HEPH: variants seen among roughly 807,000 people sequenced by gnomAD.
HEPH encodes hephaestin.
HEPH carries 69 observed loss-of-function variants against 80.8 expected under a neutral mutation model. That is an observed-to-expected ratio of 0.85 (90% CI 0.70 to 1.04). The LOEUF (loss-of-function observed/expected upper bound fraction) is 1.04, where lower values mean the gene tolerates loss of function less well. Among genes scored for constraint, HEPH ranks in the 50% least tolerant of loss-of-function variants. The pLI is 0.00. For synonymous variants in HEPH, 431 were observed against 322.8 expected, an observed-to-expected ratio of 1.34 and a Z score of -3.60; for missense variants, 1,115 against 891.3, an observed-to-expected ratio of 1.25 and a Z score of -3.20.
upstream of HEPH, chrX:66,162,945 A>T: frequency 1.0e-6 from 1 of 992,649 alleles, no homozygotes; most frequent in Non-Finnish European, 1.3e-6. Context: ...TGTTGGGTAG[A>T]TGCAGTCCTT....
chrX:66,207,532 G>T (rs1433097446), intron 14 of HEPH, among the ~76,000 whole-genome samples, 198 bp downstream of exon 14: 1 of 111,871 alleles, frequency 8.9e-6, no homozygotes, highest in Non-Finnish European at 1.9e-5. Context: ...TCATGAACCA[G>T]ATTTTACTGG....
At chrX:66,238,893 A>C (rs1343634534) in intron 15 of HEPH, among the ~76,000 whole-genome samples, 3 of 112,570 alleles carry the variant, frequency 2.7e-5, no homozygotes, top group Non-Finnish European at 5.6e-5. Flanking sequence ...ATGGGCCAAA[A>C]TAAAGGGATG....
chrX:66,208,227 G>C lies in HEPH; in HGVS notation c.2544G>C (p.Trp848Cys). ...AHGVLESTTV[W>C]PLAAEPGEVV... Reference sequence around the variant, plus strand: ...GAGTGCTAGAATCTACTACTGTCTGGCCACTGGCTGCTGAGCCTGGTGAGT... The same window carrying C: ...GAGTGCTAGAATCTACTACTGTCTGCCCACTGGCTGCTGAGCCTGGTGAGT... The change falls in exon 15 of 21, where the codon TGG becomes TGC. Residue 848 changes from tryptophan to cysteine, a missense_variant. Physicochemically the swap from Trp to Cys is radical, Grantham distance 215 (BLOSUM62 -2). This residue lies in a region of HEPH where 716 missense variants were observed against 523.5 expected (regional missense o/e 1.37). Transcript: ENST00000343002. 8.3e-7 allele frequency: 1 copy of C among 1,207,700 alleles called. No individual in the cohort carries two copies. Among genetic ancestry groups the C allele is most frequent in the East Asian group, 3.0e-5 (1 of 33,729 alleles).
intron 15 of HEPH, among the ~76,000 whole-genome samples, chrX:66,229,050 G>A (rs763638376): frequency 8.9e-6 from 1 of 111,998 alleles, no homozygotes; most frequent in South Asian, 3.7e-4. Flanking sequence ...GTGAAAAGAA[G>A]TCATTATACG....
intron 15 of HEPH, among the ~76,000 whole-genome samples, chrX:66,229,424 G>A (rs2090028394): frequency 9.0e-6 from 1 of 110,710 alleles, no homozygotes; most frequent in South Asian, 3.9e-4. Flanking sequence ...GCATAAGAAT[G>A]ATACAATGAA....
intron 15 of HEPH, among the ~76,000 whole-genome samples, chrX:66,214,870 AATATC>A (rs1273905223): frequency 1.8e-5 from 2 of 111,367 alleles, no homozygotes; most frequent in African/African-American, 3.3e-5. Flanking sequence ...TTCTTGCAAT[AATATC>A]ATATTATTTT....
chrX:66,188,369 T>A lies in HEPH; in HGVS notation c.636T>A (p.Asp212Glu). 1 of 1,187,564 alleles carries A rather than the reference T, an allele frequency of 8.4e-7. No individual in the cohort carries two copies. Among genetic ancestry groups the A allele is most frequent in the East Asian group, 3.0e-5 (1 of 33,147 alleles). The change falls in exon 5 of 21, where the codon GAT (aspartate) becomes GAA (glutamate). Residue 212 changes from aspartate to glutamate, a missense_variant. Transcript: ENST00000343002. ...TCTTACTTGCCCTAGGAGCCCTGGA[T>A]GGGAACTCCCCTCCTCAACGCCAGG... ...PLITCKRGAL[D>E]GNSPPQRQDV...
chrX:66,238,062 C>T (rs1474753112), intron 15 of HEPH, among the ~76,000 whole-genome samples: 1 of 111,577 alleles, frequency 9.0e-6, no homozygotes, highest in Non-Finnish European at 1.9e-5. Flanking sequence ...GGTCTTGGTT[C>T]CTTACGCAGC....
At chrX:66,235,404 C>A (rs971521659) in intron 15 of HEPH, among the ~76,000 whole-genome samples, 1 of 111,915 alleles carries the variant, frequency 8.9e-6, no homozygotes, top group Non-Finnish European at 1.9e-5. Context: ...CAGTTTCAGT[C>A]TTCTGCATAT....
intron 15 of HEPH, among the ~76,000 whole-genome samples, chrX:66,213,657 A>C (rs930624182): frequency 2.7e-5 from 3 of 111,801 alleles, no homozygotes; most frequent in African/African-American, 9.8e-5. Context: ...AATAAAGAAT[A>C]CCTGGGCAAG....
intron 15 of HEPH, among the ~76,000 whole-genome samples, chrX:66,216,916 G>T (rs1037886702): frequency 9.0e-6 from 1 of 111,619 alleles, no homozygotes; most frequent in African/African-American, 3.3e-5. Flanking sequence ...CACAGCAGTA[G>T]AATTGAAGAA....
intron 2 of HEPH, 122 bp from the exon 3 acceptor site, chrX:66,172,233 C>A (rs950087864): frequency 1.6e-6 from 1 of 609,339 alleles, no homozygotes; most frequent in Non-Finnish European, 2.4e-6. Flanking sequence ...AGTACAATGC[C>A]ATTTCCTCTT....
chrX:66,235,921 G>A (rs1237404827), intron 15 of HEPH, among the ~76,000 whole-genome samples: 2 of 111,063 alleles, frequency 1.8e-5, no homozygotes, highest in Admixed American at 9.6e-5. Flanking sequence ...GATTTAGCTC[G>A]TGGCTTAACT....
chrX:66,222,424 CT>C (rs1310330831), intron 15 of HEPH, among the ~76,000 whole-genome samples: 2 of 112,183 alleles, frequency 1.8e-5, no homozygotes, highest in East Asian at 2.8e-4. Flanking sequence ...ATAACAATTG[CT>C]TTTTTTTAAC....
At chrX:66,220,122 A>G (rs946623648) in intron 15 of HEPH, among the ~76,000 whole-genome samples, 4 of 111,251 alleles carry the variant, frequency 3.6e-5, no homozygotes, top group African/African-American at 9.8e-5. Context: ...CCAGGAATTC[A>G]TCAGGAACTG....
chrX:66,260,464 C>T (rs901834623), intron 19 of HEPH, among the ~76,000 whole-genome samples: 6 of 111,401 alleles, frequency 5.4e-5, no homozygotes, highest in African/African-American at 9.8e-5. Flanking sequence ...ATTGCCCCAA[C>T]TGATATTTCT....
chrX:66,230,079 T>A, intron 15 of HEPH, among the ~76,000 whole-genome samples: 1 of 101,096 alleles, frequency 9.9e-6, no homozygotes, highest in East Asian at 3.2e-4. Flanking sequence ...TCCAATTTCA[T>A]CCATGTCCCT....
Position 66,198,962 on chromosome X carries a change from G to T in HEPH, c.1798G>T (p.Ala600Ser), listed in dbSNP as rs148082881. 43 of 1,208,089 alleles carry T rather than the reference G, an allele frequency of 3.6e-5. No homozygotes were observed. Among genetic ancestry groups the T allele is most frequent in the Non-Finnish European group, 4.7e-5 (42 of 893,265 alleles). The change falls in exon 11 of 21, where the codon GCT becomes TCT. Residue 600 changes from alanine (A) to serine (S), a missense_variant. Coordinates refer to ENST00000343002, the MANE Select transcript of HEPH (RefSeq NM_001367233.3). ...SWYSNANQAA[A>S]MLDFRLLSED... is the part of the protein sequence containing the mutation. ...GTACAGCAATGCCAATCAAGCAGCT[G>T]CTATGTTGGATTTCCGACTGCTTTC...
chrX:66,176,440 T>G (rs1007282744), intron 4 of HEPH, among the ~76,000 whole-genome samples: 7 of 111,898 alleles, frequency 6.3e-5, no homozygotes, highest in African/African-American at 2.3e-4. Flanking sequence ...GCTTGTATTT[T>G]GCTAAGGATT....
Sources: gnomAD v4.1 joint callset for allele counts (sites outside exome capture counted in the v4.1 genomes callset) on GRCh38, gnomAD v4.1.1 for gene constraint, gnomAD v4.1.1 regional missense constraint, MANE v1.5 for transcripts, NCBI Gene and HGNC (gene_info 2026-07-23, HGNC 2026-07-21) for gene names.